PDE6A: variants seen among roughly 807,000 people sequenced by gnomAD.
PDE6A encodes the protein rod cGMP-specific 3',5'-cyclic phosphodiesterase subunit alpha.
Under a neutral mutation model 106.3 loss-of-function variants are expected in PDE6A, and 84 were observed. The ratio of observed to expected loss-of-function variants is 0.79; its 90% CI spans 0.66 to 0.95. The LOEUF (loss-of-function observed/expected upper bound fraction) is 0.95. Among genes scored for constraint, PDE6A ranks in the 40% least tolerant of loss-of-function variants. The pLI, the probability that PDE6A is intolerant of heterozygous loss-of-function variation, is 0.00. For missense variants in PDE6A, 1,052 were observed against 1,084.9 expected, an observed-to-expected ratio of 0.97 and a Z score of 0.43; for synonymous variants, 394 against 386.6, an observed-to-expected ratio of 1.02 and a Z score of -0.23.
At chr5:149,891,978 C>A (rs559262774) in intron 13 of PDE6A, among the ~76,000 whole-genome samples, 1 of 152,152 alleles carries the variant, frequency 6.6e-6, no homozygotes, top group Non-Finnish European at 1.5e-5. Context: ...CGTTCCCATA[C>A]AGGAAGGCTG....
intron 15 of PDE6A, 90 bp from the exon 16 acceptor site, chr5:149,884,669 A>T (rs1201698706): frequency 7.1e-7 from 1 of 1,410,276 alleles, no homozygotes; most frequent in Non-Finnish European, 1.0e-6. Context: ...ATGATGGCAG[A>T]GGCAGCCCAG....
At chr5:149,921,858 T>TCA (rs1009002918) in intron 4 of PDE6A, 149 bp from the exon 5 acceptor site, 2 of 703,490 alleles carry the variant, frequency 2.8e-6, no homozygotes, top group Admixed American at 4.5e-5. Context: ...GCAGTAAGAC[T>TCA]CACTACAGTT....
At chr5:149,888,429 A>G (rs888077060) in intron 13 of PDE6A, among the ~76,000 whole-genome samples, 1 of 149,014 alleles carries the variant, frequency 6.7e-6, no homozygotes, top group African/African-American at 2.4e-5. Context: ...ATATATTAAC[A>G]TATATTAATA....
rs367675041 is a variant in PDE6A at position 149,863,327 on chromosome 5, G to A, written c.2359-61C>T. The A allele has an allele frequency of 3.8e-5, 60 of 1,563,664 alleles. No individual in the cohort carries two copies. In the African/African-American group the frequency reaches 4.5e-4, roughly 12 times the overall value. ...CAGGCCACAGGGTCTGGGCTCAAGC[G>A]GGTGGCACAGCTGGAAACGTCCAAC... On this transcript the variant is annotated intron_variant, in intron 20 of 21. Coordinates refer to ENST00000255266, the MANE Select transcript of PDE6A (RefSeq NM_000440.3). The surrounding 1 kb of genome is among the most constrained non-coding windows in gnomAD (Gnocchi z 4.7).
chr5:149,881,236 T>C lies in PDE6A; in HGVS notation c.2135+2193A>G, dbSNP rs570691450. ...TAGAATTACCATTCGACCCAACATC[T>C]CATTACTGGGTGTGTATCCAAAAGA... On this transcript the variant is annotated intron_variant, in intron 17 of 21. Coordinates refer to ENST00000255266, the MANE Select transcript of PDE6A (RefSeq NM_000440.3). 7.2e-5 allele frequency among the ~76,000 whole-genome samples: 11 copies of C among 152,288 alleles called. No homozygotes were observed. The South Asian group carries it at 2.3e-3, about 32-fold the overall frequency.
chr5:149,897,877 G>A (rs1386665837), intron 10 of PDE6A, among the ~76,000 whole-genome samples: 1 of 152,082 alleles, frequency 6.6e-6, no homozygotes, highest in Admixed American at 6.6e-5. Flanking sequence ...GTAAGCCACT[G>A]CACCCAACTT....
intron 4 of PDE6A, among the ~76,000 whole-genome samples, chr5:149,926,335 T>C (rs1479323602): frequency 6.6e-6 from 1 of 152,038 alleles, no homozygotes; most frequent in Non-Finnish European, 1.5e-5. Context: ...GGACACTTGG[T>C]TGATAATAAA....
chr5:149,905,721 A>G (rs190769717), intron 7 of PDE6A, among the ~76,000 whole-genome samples: 59 of 152,320 alleles, frequency 3.9e-4, no homozygotes, highest in Admixed American at 5.2e-4. Flanking sequence ...AGCAAGAATG[A>G]TAGTATTCTT....
At chr5:149,929,409 A>T (rs1422164742) in intron 4 of PDE6A, among the ~76,000 whole-genome samples, 1 of 152,146 alleles carries the variant, frequency 6.6e-6, no homozygotes, top group African/African-American at 2.4e-5. Flanking sequence ...GATTGAGACC[A>T]TCCTGGCTAA....
At chr5:149,923,520 TAACATAACATAACATA>T (rs1420088476) in intron 4 of PDE6A, among the ~76,000 whole-genome samples, 1 of 37,640 alleles carries the variant, frequency 2.7e-5, no homozygotes, top group African/African-American at 1.2e-4. Context: ...TAACATAACA[TAACATAACATAACATA>T]ACATAACATA....
chr5:149,911,829 C>T (rs540411221), intron 6 of PDE6A, among the ~76,000 whole-genome samples: 5 of 135,278 alleles, frequency 3.7e-5, no homozygotes, highest in Non-Finnish European at 6.2e-5. Context: ...TGGTGAGACC[C>T]CATCTCTATT....
chr5:149,879,264 G>A (rs986760243), intron 17 of PDE6A, among the ~76,000 whole-genome samples: 45 of 152,070 alleles, frequency 3.0e-4, no homozygotes, highest in African/African-American at 4.1e-4. Context: ...TAGAGATGGC[G>A]TTTCACCATG....
chr5:149,886,441 G>T, intron 13 of PDE6A, 67 bp from the exon 14 acceptor site: 1 of 1,229,562 alleles, frequency 8.1e-7, no homozygotes, highest in Non-Finnish European at 1.2e-6. Flanking sequence ...CTGAAAAGGC[G>T]GGTGTAAGGA....
chr5:149,896,275 T>G, intron 12 of PDE6A, 81 bp downstream of exon 12: 2 of 1,186,096 alleles, frequency 1.7e-6, no homozygotes, highest in South Asian at 2.5e-5. Flanking sequence ...TTTAAGGTAG[T>G]TTACAGATTG....
At chr5:149,930,931 C>A in intron 4 of PDE6A, 97 bp downstream of exon 4, 1 of 1,254,102 alleles carries the variant, frequency 8.0e-7, no homozygotes, top group South Asian at 1.2e-5. Flanking sequence ...CACCCAGCCT[C>A]TTCCCCCGTG....
rs114219796 is a variant in PDE6A, at chr5:149,936,445, C to T, written c.475-1727G>A. Among the ~76,000 whole-genome samples, 1,123 of 152,250 alleles carry T rather than the reference C, an allele frequency of 7.4e-3. 5 individuals carry two copies. The highest frequency in any genetic ancestry group is 0.011 in the Non-Finnish European group (746 of 68,016). On this transcript the variant is annotated intron_variant, in intron 1 of 21. Transcript: ENST00000255266. ...TAAGCTACTGATGAGTTCCTGAGCA[C>T]GTGTCTAGGTGGAGTATGCTCAGAT...
intron 15 of PDE6A, 36 bp downstream of exon 15, chr5:149,884,744 G>C: frequency 1.9e-6 from 3 of 1,576,234 alleles, no homozygotes; most frequent in Non-Finnish European, 2.6e-6. Context: ...TCTGATCCAG[G>C]CCCCGCGGCC....
At chr5:149,923,497 CAAAT>C (rs1753780614) in intron 4 of PDE6A, among the ~76,000 whole-genome samples, 2 of 149,962 alleles carry the variant, frequency 1.3e-5, no homozygotes, top group Admixed American at 1.3e-4. Flanking sequence ...GACTCTGTCT[CAAAT>C]AAATAACATA....
intron 6 of PDE6A, among the ~76,000 whole-genome samples, chr5:149,914,689 A>G (rs1048319422): frequency 1.3e-5 from 2 of 149,174 alleles, no homozygotes; most frequent in Non-Finnish European, 3.0e-5. Flanking sequence ...GTAACCTGAC[A>G]TTAATCAGTT....
Sources: gnomAD v4.1 joint callset for allele counts (sites outside exome capture counted in the v4.1 genomes callset) on GRCh38, gnomAD v4.1.1 for gene constraint, Gnocchi (gnomAD v3.1) non-coding constraint, MANE v1.5 for transcripts, NCBI Gene and HGNC (gene_info 2026-07-23, HGNC 2026-07-21) for gene names.